SH3BGR: variants seen among roughly 807,000 people sequenced by gnomAD.
SH3BGR encodes the protein SH3 domain-binding glutamic acid-rich protein.
SH3BGR carries 29 observed loss-of-function variants against 24.5 expected under a neutral mutation model. The observed-to-expected ratio is 1.18, with a 90% confidence interval of 0.88 to 1.61. The LOEUF is 1.61. Among genes scored for constraint, SH3BGR ranks in the 40% most tolerant of loss-of-function variants. The probability of loss-of-function intolerance (pLI) is 0.00; values close to 1 mark genes in which losing one functional copy is unlikely to be tolerated. For synonymous variants in SH3BGR, 55 were observed against 65.7 expected, an observed-to-expected ratio of 0.84 and a Z score of 0.79; for missense variants, 162 against 205.8, an observed-to-expected ratio of 0.79 and a Z score of 1.30.
intron 3 of SH3BGR, among the ~76,000 whole-genome samples, chr21:39,476,192 A>C (rs1454488460): frequency 1.3e-5 from 2 of 152,188 alleles, no homozygotes; most frequent in Non-Finnish European, 2.9e-5. Flanking sequence ...GATGGAGAGT[A>C]GGGAAGGCAG....
intron 3 of SH3BGR, among the ~76,000 whole-genome samples, chr21:39,492,443 G>GGTGTGTGT (rs1164205385): frequency 6.7e-4 from 91 of 136,618 alleles, no homozygotes; most frequent in African/African-American, 2.4e-3. Flanking sequence ...AGTTTCCCTT[G>GGTGTGTGT]GTGTGTGTGT....
intron 4 of SH3BGR, among the ~76,000 whole-genome samples, chr21:39,506,022 C>A (rs1016516044): frequency 6.6e-5 from 10 of 152,114 alleles, no homozygotes; most frequent in Admixed American, 5.9e-4. Context: ...AGAAGAAAAT[C>A]AAAGTTCTTT....
intron 3 of SH3BGR, among the ~76,000 whole-genome samples, chr21:39,484,917 G>A (rs2078185597): frequency 6.6e-6 from 1 of 152,186 alleles, no homozygotes; most frequent in Non-Finnish European, 1.5e-5. Flanking sequence ...TTGTGGAAAG[G>A]TGTCAGCAAG....
intron 1 of SH3BGR, among the ~76,000 whole-genome samples, chr21:39,446,706 G>T (rs977176825): frequency 5.3e-5 from 8 of 151,986 alleles, no homozygotes; most frequent in Non-Finnish European, 1.0e-4. Context: ...GCATTTTCCT[G>T]TCTTTTGTCC....
At chr21:39,508,855 C>T (rs2078626848) in intron 4 of SH3BGR, 143 bp from the exon 5 acceptor site, 1 of 563,720 alleles carries the variant, frequency 1.8e-6, no homozygotes, top group Non-Finnish European at 3.1e-6. Flanking sequence ...CATATCTTTG[C>T]TATTTACTTA....
chr21:39,469,893 T>G (rs2077908456), intron 2 of SH3BGR, among the ~76,000 whole-genome samples: 1 of 152,068 alleles, frequency 6.6e-6, no homozygotes, highest in African/African-American at 2.4e-5. Context: ...TGACCTCAGG[T>G]GATCCACCAG....
chr21:39,480,149 G>T (rs1456359407), intron 3 of SH3BGR, among the ~76,000 whole-genome samples: 1 of 152,044 alleles, frequency 6.6e-6, no homozygotes, highest in Non-Finnish European at 1.5e-5. Flanking sequence ...TGAGATTAAG[G>T]ATTTTAATAT....
At chr21:39,486,052 C>T (rs939759106) in intron 3 of SH3BGR, among the ~76,000 whole-genome samples, 1 of 152,198 alleles carries the variant, frequency 6.6e-6, no homozygotes, top group Non-Finnish European at 1.5e-5. Flanking sequence ...ACATATAACC[C>T]TTTACTGTGG....
At chr21:39,461,076 A>G (rs963968098) in intron 1 of SH3BGR, among the ~76,000 whole-genome samples, 1 of 151,966 alleles carries the variant, frequency 6.6e-6, no homozygotes, top group Non-Finnish European at 1.5e-5. Flanking sequence ...ATACGAGAGC[A>G]TCTCTATTCC....
chr21:39,497,253 CAA>C (rs2078412135), intron 3 of SH3BGR, among the ~76,000 whole-genome samples: 1 of 150,436 alleles, frequency 6.6e-6, no homozygotes, highest in Admixed American at 6.6e-5. Flanking sequence ...TAGTAAATGA[CAA>C]ATATATAATC....
intron 1 of SH3BGR, among the ~76,000 whole-genome samples, chr21:39,452,732 G>A (rs1406834627): frequency 6.6e-6 from 1 of 152,192 alleles, no homozygotes; most frequent in Non-Finnish European, 1.5e-5. Context: ...CAAAATAAGA[G>A]CTGAAAGCCG....
upstream of SH3BGR, among the ~76,000 whole-genome samples, chr21:39,449,704 T>C (rs2148438673): frequency 6.6e-6 from 1 of 152,282 alleles, no homozygotes; most frequent in Middle Eastern, 3.4e-3. Context: ...TCTCAGGAGC[T>C]TCTCATGTGG....
At chr21:39,456,966 C>T (rs2077665590) in intron 1 of SH3BGR, among the ~76,000 whole-genome samples, 1 of 150,444 alleles carries the variant, frequency 6.6e-6, no homozygotes, top group South Asian at 2.1e-4. Context: ...GCGTGATTAC[C>T]ATTTATATAA....
intron 3 of SH3BGR, among the ~76,000 whole-genome samples, chr21:39,475,880 A>G (rs2078019684): frequency 6.6e-6 from 1 of 152,212 alleles, no homozygotes; most frequent in Non-Finnish European, 1.5e-5. Flanking sequence ...GATGACTTCT[A>G]ATCAGTGTGT....
intron 2 of SH3BGR, among the ~76,000 whole-genome samples, chr21:39,465,752 C>T (rs993794902): frequency 5.3e-5 from 8 of 152,012 alleles, no homozygotes; most frequent in Admixed American, 2.0e-4. Context: ...CACCACACCT[C>T]GCTAATGTTT....
At chr21:39,467,136 C>T (rs181979903) in intron 2 of SH3BGR, among the ~76,000 whole-genome samples, 250 of 152,202 alleles carry the variant, frequency 1.6e-3, no homozygotes, top group Middle Eastern at 6.8e-3. Context: ...TTACAGTAGA[C>T]ACAAGATTAA....
chr21:39,510,658 A>G (rs991083096), intron 5 of SH3BGR, among the ~76,000 whole-genome samples: 3 of 151,910 alleles, frequency 2.0e-5, no homozygotes, highest in Non-Finnish European at 4.4e-5. Flanking sequence ...TGATTTCTCA[A>G]TATTTACGTC....
chr21:39,462,270 A>G, intron 1 of SH3BGR, 105 bp from the exon 2 acceptor site: 4 of 774,928 alleles, frequency 5.2e-6, no homozygotes, highest in Non-Finnish European at 2.1e-6. Flanking sequence ...ATACTTAACA[A>G]AATTATTTGT....
At chr21:39,469,318 T>A (rs1412022067) in intron 2 of SH3BGR, among the ~76,000 whole-genome samples, 4 of 151,940 alleles carry the variant, frequency 2.6e-5, no homozygotes, top group Admixed American at 2.6e-4. Flanking sequence ...TCTGATTTTT[T>A]TTTTTAAGTT....
Sources: allele counts gnomAD v4.1 joint callset (sites outside exome capture counted in the v4.1 genomes callset), GRCh38; gene constraint gnomAD v4.1.1; transcripts MANE v1.5; gene names NCBI Gene and HGNC (gene_info 2026-07-23, HGNC 2026-07-21).